The following TFG variants were observed in gnomAD, a reference collection of about 807,000 sequenced individuals.
The protein encoded by TFG is protein TFG.
In TFG, 22 loss-of-function variants were observed where a neutral mutation model predicts 51.4. That is an observed-to-expected ratio of 0.43 (90% CI 0.31 to 0.61). The LOEUF is 0.61. Among genes scored for constraint, TFG ranks in the 20% least tolerant of loss-of-function variants. The probability of loss-of-function intolerance (pLI) is 0.12; values close to 1 mark genes in which losing one functional copy is unlikely to be tolerated. For synonymous variants in TFG, 187 were observed against 165.6 expected, an observed-to-expected ratio of 1.13 and a Z score of -0.99; for missense variants, 419 against 487.7, an observed-to-expected ratio of 0.86 and a Z score of 1.33.
rs2095094580 is a variant in TFG at position 100,732,555 on chromosome 3, A to C, written c.463A>C (p.Lys155Gln). Residue 155 changes from lysine to glutamine, a missense_variant, in exon 5 of 8, where the codon AAA becomes CAA. By Grantham distance (53) the Lys-to-Gln change is moderately conservative. This residue lies in a region of TFG where 391 missense variants were observed against 434.4 expected (regional missense o/e 0.90). Transcript: ENST00000240851. ...EEKSASDSSG[K>Q]QSTQVMAASM... ...AAAGTCTGCTTCTGATTCTTCTGGA[A>C]AACAGTCTACTCAGGTTATGGCAGC... The C allele has an allele frequency of 6.2e-7, 1 of 1,612,896 alleles. No individual in the cohort carries two copies. The highest frequency in any genetic ancestry group is 1.3e-5 in the African/African-American group (1 of 74,954).
intron 6 of TFG, among the ~76,000 whole-genome samples, chr3:100,741,067 G>T (rs957802470): frequency 6.6e-6 from 1 of 151,944 alleles, no homozygotes; most frequent in Non-Finnish European, 1.5e-5. Flanking sequence ...CATAATTATG[G>T]GTAGTACCTA....
intron 3 of TFG, among the ~76,000 whole-genome samples, chr3:100,724,066 A>G (rs1158208743): frequency 6.6e-6 from 1 of 152,188 alleles, no homozygotes; most frequent in Non-Finnish European, 1.5e-5. Flanking sequence ...TAAGTAGATA[A>G]TGACTTCTAT....
Position 100,720,654 on chromosome 3 carries a change from T to G in TFG, c.268+596T>G, listed in dbSNP as rs139766916. Among the ~76,000 whole-genome samples, 1,277 of 152,348 alleles carry G rather than the reference T, an allele frequency of 8.4e-3. 23 individuals are homozygous for G. Among genetic ancestry groups the G allele is most frequent in the African/African-American group, 0.029 (1,226 of 41,564 alleles). On this transcript the variant is annotated intron_variant, in intron 3 of 7. Transcript: ENST00000240851. ...CTCCTGCTGTGCTGCCCAGCCCGGTTTGGTTCCTAACAGGCCACAGAGTAG... is the reference window on the plus strand; with the variant it reads ...CTCCTGCTGTGCTGCCCAGCCCGGTGTGGTTCCTAACAGGCCACAGAGTAG...
At chr3:100,722,567 C>A (rs1365203275) in intron 3 of TFG, among the ~76,000 whole-genome samples, 3 of 152,176 alleles carry the variant, frequency 2.0e-5, no homozygotes, top group Non-Finnish European at 4.4e-5. Context: ...AGTAAATCCC[C>A]ACTGGACATA....
At chr3:100,731,946 G>A (rs1056776144) in intron 4 of TFG, among the ~76,000 whole-genome samples, 1 of 152,106 alleles carries the variant, frequency 6.6e-6, no homozygotes, top group African/African-American at 2.4e-5. Flanking sequence ...AAAATAGAAG[G>A]TAGCAAATTC....
intron 7 of TFG, chr3:100,747,444 AG>A (rs946709864): frequency 3.9e-5 from 6 of 152,432 alleles, no homozygotes; most frequent in Admixed American, 1.3e-4. Context: ...TTTCATTGCA[AG>A]TAGCTGCAGG....
chr3:100,718,667 C>T (rs1293285223), intron 2 of TFG, among the ~76,000 whole-genome samples: 2 of 149,590 alleles, frequency 1.3e-5, no homozygotes, highest in Non-Finnish European at 1.5e-5. Flanking sequence ...AAGTGATTCT[C>T]CTGCCTCGGC....
At chr3:100,734,456 TCAGCTG>T (rs1187611769) in intron 5 of TFG, among the ~76,000 whole-genome samples, 3 of 152,160 alleles carry the variant, frequency 2.0e-5, no homozygotes, top group African/African-American at 7.2e-5. Context: ...TCCTAAATCT[TCAGCTG>T]CTTGTCTAGC....
chr3:100,722,188 T>A (rs1042457863), intron 3 of TFG, among the ~76,000 whole-genome samples: 32 of 152,108 alleles, frequency 2.1e-4, no homozygotes, highest in African/African-American at 7.5e-4. Context: ...AAGAGCAAGA[T>A]GCTATTGTAT....
chr3:100,741,584 T>A (rs766481768), intron 6 of TFG, among the ~76,000 whole-genome samples: 1 of 152,150 alleles, frequency 6.6e-6, no homozygotes, highest in Non-Finnish European at 1.5e-5. Context: ...AATGGAATTT[T>A]AAAAAATAAA....
At position 100,744,923 on chromosome 3, in the gene TFG, A is replaced by G. The variant is rs1576379687; in HGVS notation, c.812A>G (p.Gln271Arg). The G allele has an allele frequency of 5.6e-6, 9 of 1,609,590 alleles. No individual in the cohort carries two copies. The highest frequency in any genetic ancestry group is 1.3e-5 in the African/African-American group (1 of 74,928). ...PPQQPQQYGI[Q>R]YSASYSQQTG... ...CAGCAGCCTCAACAGTATGGTATTCAGTATTCAGGTGAGCAGGTGTTGAAA... is the reference window on the plus strand; with the variant it reads ...CAGCAGCCTCAACAGTATGGTATTCGGTATTCAGGTGAGCAGGTGTTGAAA... The change falls in exon 7 of 8, where the codon CAG becomes CGG. Residue 271 changes from glutamine to arginine, a missense_variant. Physicochemically the swap from Gln to Arg is conservative, Grantham distance 43. This residue lies in a region of TFG where 391 missense variants were observed against 434.4 expected (regional missense o/e 0.90). Coordinates refer to ENST00000240851, the MANE Select transcript of TFG (RefSeq NM_006070.6).
chr3:100,743,089 T>C (rs2095125716), intron 6 of TFG: 1 of 152,202 alleles, frequency 6.6e-6, no homozygotes, highest in African/African-American at 2.4e-5. Flanking sequence ...CAAAATGACT[T>C]TATAAACTAA....
At chr3:100,732,090 G>A (rs1214609850) in intron 4 of TFG, among the ~76,000 whole-genome samples, 1 of 152,000 alleles carries the variant, frequency 6.6e-6, no homozygotes, top group Non-Finnish European at 1.5e-5. Context: ...CCTTAGTTCA[G>A]TTTCTTTTTA....
At chr3:100,720,090 T>C in intron 3 of TFG, 32 bp downstream of exon 3, 2 of 1,304,370 alleles carry the variant, frequency 1.5e-6, no homozygotes, top group Non-Finnish European at 2.1e-6. Context: ...GAATTTACTA[T>C]TTTATTCATT....
chr3:100,738,598 A>G (rs921924691), intron 6 of TFG, among the ~76,000 whole-genome samples: 1 of 152,198 alleles, frequency 6.6e-6, no homozygotes, highest in Non-Finnish European at 1.5e-5. Context: ...CACAGCAACC[A>G]AATTCCTTTT....
At chr3:100,717,515 A>G (rs1408046868) in intron 2 of TFG, among the ~76,000 whole-genome samples, 1 of 149,824 alleles carries the variant, frequency 6.7e-6, no homozygotes, top group African/African-American at 2.5e-5. Context: ...TTTTAACAAT[A>G]TTTGTTCTTA....
chr3:100,745,255 C>T (rs538171180), intron 7 of TFG, among the ~76,000 whole-genome samples: 10 of 152,196 alleles, frequency 6.6e-5, no homozygotes, highest in African/African-American at 2.2e-4. Context: ...TCCCCCTTCC[C>T]TCCACCTCTC....
chr3:100,738,213 A>C (rs2095111896), intron 6 of TFG, among the ~76,000 whole-genome samples: 1 of 152,234 alleles, frequency 6.6e-6, no homozygotes, highest in South Asian at 2.1e-4. Context: ...TTTCTCAACC[A>C]ACTTTAATTA....
intron 5 of TFG, among the ~76,000 whole-genome samples, chr3:100,733,434 C>G (rs1336951363): frequency 6.6e-6 from 1 of 152,088 alleles, no homozygotes; most frequent in African/African-American, 2.4e-5. Context: ...TTTATAGTTT[C>G]TGTTTTTCTG....
Sources: gnomAD v4.1 joint callset for allele counts (sites outside exome capture counted in the v4.1 genomes callset) on GRCh38, gnomAD v4.1.1 for gene constraint, gnomAD v4.1.1 regional missense constraint, MANE v1.5 for transcripts, NCBI Gene and HGNC (gene_info 2026-07-23, HGNC 2026-07-21) for gene names.